Variants in RBMS3 observed in about 807,000 individuals in gnomAD.
RBMS3 encodes RNA-binding motif, single-stranded-interacting protein 3.
RBMS3 carries 27 observed loss-of-function variants against 66.8 expected under a neutral mutation model. The ratio of observed to expected loss-of-function variants is 0.40; its 90% CI spans 0.30 to 0.56. RBMS3 has a LOEUF of 0.56. Among genes scored for constraint, RBMS3 ranks in the 20% least tolerant of loss-of-function variants. The pLI, the probability that RBMS3 is intolerant of heterozygous loss-of-function variation, is 0.40. For missense variants in RBMS3, 513 were observed against 549.5 expected (o/e 0.93, Z 0.66); for synonymous variants, 188 against 183.0 (o/e 1.03, Z -0.22).
intron 1 of RBMS3, among the ~76,000 whole-genome samples, chr3:29,396,392 T>C (rs1305657943): frequency 6.6e-6 from 1 of 152,184 alleles, no homozygotes; most frequent in East Asian, 1.9e-4. Flanking sequence ...GGATGCTGTA[T>C]GGCAAGATGG....
intron 6 of RBMS3, among the ~76,000 whole-genome samples, chr3:29,818,337 A>T (rs758133634): frequency 2.0e-5 from 3 of 150,880 alleles, no homozygotes; most frequent in South Asian, 2.1e-4. Flanking sequence ...ATACAATTCT[A>T]TTTTTTTTCA....
At chr3:29,956,877 A>C (rs753726923) in intron 12 of RBMS3, among the ~76,000 whole-genome samples, 11 of 152,046 alleles carry the variant, frequency 7.2e-5, no homozygotes, top group Non-Finnish European at 1.3e-4. Flanking sequence ...AAGGCCCTTC[A>C]TGATCCTGAT....
intron 4 of RBMS3, among the ~76,000 whole-genome samples, chr3:29,679,387 T>A (rs2051390629): frequency 6.6e-6 from 1 of 152,128 alleles, no homozygotes; most frequent in Admixed American, 6.6e-5. Flanking sequence ...TAGAGTCACT[T>A]TTGCCATACA....
chr3:30,003,868 A>G lies in RBMS3; in HGVS notation c.*6A>G, dbSNP rs755694805. The G allele has an allele frequency of 2.1e-6, 3 of 1,453,000 alleles. No homozygotes were observed. Among genetic ancestry groups the G allele is most frequent in the East Asian group, 5.0e-5 (2 of 39,988 alleles). The allele number at this position is 1,453,000 out of a possible 1,614,324, so 90.0% of individuals were successfully genotyped here. ...ATTGTTTTCACAGACCATAAACAGG[A>G]CTGAAGAATGTCTGTCTGAATCTTT... On this transcript the variant is annotated 3_prime_UTR_variant, in exon 15 of 15. Transcript: ENST00000383767.
chr3:29,665,517 A>T (rs2149237342), intron 4 of RBMS3, among the ~76,000 whole-genome samples: 1 of 152,282 alleles, frequency 6.6e-6, no homozygotes, highest in Admixed American at 6.5e-5. Flanking sequence ...CAGTCAAACT[A>T]GTTAATTTGT....
At chr3:29,739,473 A>AAG (rs2054536968) in intron 4 of RBMS3, among the ~76,000 whole-genome samples, 1 of 151,556 alleles carries the variant, frequency 6.6e-6, no homozygotes, top group Non-Finnish European at 1.5e-5. Context: ...AAAAAAAAAA[A>AAG]AAAGAAAAGT....
chr3:29,396,035 A>G (rs1349841990), intron 1 of RBMS3, among the ~76,000 whole-genome samples: 1 of 152,176 alleles, frequency 6.6e-6, no homozygotes, highest in Non-Finnish European at 1.5e-5. Context: ...AATTGTAACT[A>G]TACAATGGAA....
At chr3:29,295,017 G>A (rs1427033251) in intron 1 of RBMS3, among the ~76,000 whole-genome samples, 11 of 151,472 alleles carry the variant, frequency 7.3e-5, no homozygotes, top group Admixed American at 5.9e-4. Flanking sequence ...AATTACCTAC[G>A]TGGGTATAAA....
At chr3:29,687,815 T>C (rs939791024) in intron 4 of RBMS3, among the ~76,000 whole-genome samples, 6 of 152,182 alleles carry the variant, frequency 3.9e-5, no homozygotes, top group Non-Finnish European at 7.4e-5. Context: ...TTACGAGGGA[T>C]AATAAAATAA....
intron 12 of RBMS3, among the ~76,000 whole-genome samples, chr3:29,955,639 C>T (rs75678854): frequency 0.02 from 2,966 of 152,086 alleles, 96 homozygotes; most frequent in African/African-American, 0.068. Context: ...GTGAAGGACA[C>T]TATAATAAAT....
chr3:29,942,342 G>T (rs2061411480), intron 11 of RBMS3, among the ~76,000 whole-genome samples: 1 of 151,500 alleles, frequency 6.6e-6, no homozygotes, highest in South Asian at 2.1e-4. Flanking sequence ...AACATAACAA[G>T]ACCCCATCAC....
At chr3:29,374,583 T>A (rs944299110) in intron 1 of RBMS3, among the ~76,000 whole-genome samples, 1 of 152,226 alleles carries the variant, frequency 6.6e-6, no homozygotes, top group African/African-American at 2.4e-5. Flanking sequence ...TTGTGTTAGA[T>A]GATTTTGCCC....
chr3:29,851,886 A>G lies in RBMS3; in HGVS notation c.638-16972A>G, dbSNP rs148573968. On this transcript the variant is annotated intron_variant, in intron 6 of 14. Transcript: ENST00000383767. ...ACGAATAGCCAAGACAATCCTAAGC[A>G]AAAAGAACAAAGTGGAGGAATCATA... Among the ~76,000 whole-genome samples the G allele has an allele frequency of 2.3e-4, 35 of 152,326 alleles. 1 individual carries two copies. In the East Asian group the frequency reaches 6.8e-3, roughly 29 times the overall value.
intron 8 of RBMS3, among the ~76,000 whole-genome samples, chr3:29,892,827 GTATGTATGTATGTATGTATT>G (rs1350981796): frequency 7.3e-6 from 1 of 136,640 alleles, no homozygotes; most frequent in Non-Finnish European, 1.6e-5. Flanking sequence ...ATGTATGTAT[GTATGTATGTATGTATGTATT>G]TATTTATTTA....
chr3:29,743,707 G>A (rs1463994199), intron 5 of RBMS3, among the ~76,000 whole-genome samples: 2 of 151,192 alleles, frequency 1.3e-5, no homozygotes, highest in Non-Finnish European at 1.5e-5. Flanking sequence ...TTGGCTTGGG[G>A]TGAGACTCAA....
Position 29,705,150 on chromosome 3 carries a change from A to T in RBMS3, c.400-34570A>T, listed in dbSNP as rs551837983. Among the ~76,000 whole-genome samples the T allele has an allele frequency of 2.0e-5, 3 of 152,322 alleles. No homozygotes were observed. The East Asian group carries it at 5.8e-4, about 29-fold the overall frequency. ...GTGAATAACAATCCTATTACACCTT[A>T]CCAACCATTACGGCCACATTGCAGG... is the stretch of plus-strand genomic sequence containing the variant. On this transcript the variant is annotated intron_variant, in intron 4 of 14. Coordinates refer to ENST00000383767, the MANE Select transcript of RBMS3 (RefSeq NM_001003793.3).
rs144582310 is a variant in RBMS3 at position 29,963,296 on chromosome 3, G to A, written c.1098+19042G>A. ...CCCGAATGCCCAGGTTACAGTCCAGGCCAATTAAATCAGCATATCCGTGGG... is the reference window on the plus strand; with the variant it reads ...CCCGAATGCCCAGGTTACAGTCCAGACCAATTAAATCAGCATATCCGTGGG... On this transcript the variant is annotated intron_variant, in intron 12 of 14. Coordinates refer to ENST00000383767, the MANE Select transcript of RBMS3 (RefSeq NM_001003793.3). Among the ~76,000 whole-genome samples, 29 of 152,176 alleles carry A rather than the reference G, an allele frequency of 1.9e-4. 1 individual carries two copies. In the East Asian group the frequency reaches 5.2e-3, roughly 28 times the overall value.
chr3:29,997,806 A>C lies in RBMS3; in HGVS notation c.1308-6050A>C, dbSNP rs577929740. Among the ~76,000 whole-genome samples, 4 of 152,276 alleles carry C rather than the reference A, an allele frequency of 2.6e-5. No individual in the cohort carries two copies. In the East Asian group the frequency reaches 7.7e-4, roughly 29 times the overall value. On this transcript the variant is annotated intron_variant, in intron 14 of 14. Coordinates refer to ENST00000383767, the MANE Select transcript of RBMS3 (RefSeq NM_001003793.3). Reference sequence around the variant, plus strand: ...AGCTATCTATGACAAACCCACAGCCAATATCATACTGAATGGGCAAAAACT... The same window carrying C: ...AGCTATCTATGACAAACCCACAGCCCATATCATACTGAATGGGCAAAAACT...
chr3:29,554,494 A>G (rs905363116), intron 3 of RBMS3, among the ~76,000 whole-genome samples: 1 of 152,228 alleles, frequency 6.6e-6, no homozygotes, highest in African/African-American at 2.4e-5. Flanking sequence ...AATGAAAATG[A>G]GAGACTTATT....
Sources: allele counts gnomAD v4.1 joint callset (sites outside exome capture counted in the v4.1 genomes callset), GRCh38; gene constraint gnomAD v4.1.1; transcripts MANE v1.5; gene names NCBI Gene and HGNC (gene_info 2026-07-23, HGNC 2026-07-21).